The following GABRG3 variants were observed in gnomAD, a reference collection of about 807,000 sequenced individuals.
GABRG3 encodes gamma-aminobutyric acid type A receptor subunit gamma3.
A neutral mutation model predicts 48.8 loss-of-function variants in GABRG3; 25 were observed. That is an observed-to-expected ratio of 0.51 (90% CI 0.37 to 0.72). The LOEUF is 0.72. GABRG3 is among the 30% of genes least tolerant of loss of function. GABRG3 has a pLI of 0.00. For missense variants in GABRG3, 394 were observed against 577.9 expected (o/e 0.68, Z 3.26); for synonymous variants, 227 against 217.6 (o/e 1.04, Z -0.38).
At position 27,187,218 on chromosome 15, in the gene GABRG3, G is replaced by A. The variant is rs545859365; in HGVS notation, c.271-139591G>A. On this transcript the variant is annotated intron_variant, in intron 3 of 9. Transcript: ENST00000615808. Reference sequence around the variant, plus strand: ...ATTGCTTTTTATTGTTGGCTTTGTCGAAGATTAAATGGTTGTAGGTGAGGA... The same window carrying A: ...ATTGCTTTTTATTGTTGGCTTTGTCAAAGATTAAATGGTTGTAGGTGAGGA... 1.2e-4 allele frequency among the ~76,000 whole-genome samples: 18 copies of A among 152,152 alleles called. 1 individual carries two copies. Among genetic ancestry groups the A allele is most frequent in the African/African-American group, 3.4e-4 (14 of 41,528 alleles).
intron 5 of GABRG3, among the ~76,000 whole-genome samples, chr15:27,361,550 C>A (rs1348465723): frequency 6.6e-6 from 1 of 152,188 alleles, no homozygotes; most frequent in Non-Finnish European, 1.5e-5. Flanking sequence ...AGTAAGATGG[C>A]ATGCCTTTCA....
chr15:27,128,470 CA>C (rs1330840658), intron 3 of GABRG3, among the ~76,000 whole-genome samples: 1 of 152,178 alleles, frequency 6.6e-6, no homozygotes, highest in African/African-American at 2.4e-5. Context: ...GTCATCTGCC[CA>C]CGCCTTGAAG....
At chr15:27,003,839 GC>G in intron 2 of GABRG3, among the ~76,000 whole-genome samples, 1 of 143,708 alleles carries the variant, frequency 7.0e-6, no homozygotes, top group Admixed American at 6.9e-5. Context: ...GGGGTGGCTG[GC>G]CGGGCGGGGG....
chr15:27,361,127 A>G (rs1895009812), intron 5 of GABRG3, among the ~76,000 whole-genome samples: 1 of 152,214 alleles, frequency 6.6e-6, no homozygotes, highest in Admixed American at 6.5e-5. Flanking sequence ...TGTGGCGTTT[A>G]GCTTTCCTGG....
At chr15:27,421,003 G>T (rs956216894) in intron 5 of GABRG3, among the ~76,000 whole-genome samples, 1 of 151,892 alleles carries the variant, frequency 6.6e-6, no homozygotes, top group African/African-American at 2.4e-5. Context: ...AAACAAAAAA[G>T]AAACTCTTAA....
intron 3 of GABRG3, among the ~76,000 whole-genome samples, chr15:27,040,389 G>A (rs1896255482): frequency 6.6e-6 from 1 of 152,234 alleles, no homozygotes; most frequent in Admixed American, 6.5e-5. Flanking sequence ...AAGTCACTGG[G>A]TGTGTCCAGA....
In GABRG3 at chr15:27,319,654, GT is replaced by G. The variant is rs1555371493; in HGVS notation, c.271-7154del. ...AGGCTGGATAAGAGGGTGTCCAGGC[GT>G]GGGCAGAGCACAAATGGGATGGGGA... On this transcript the variant is annotated intron_variant, in intron 3 of 9. Transcript: ENST00000615808. This position sits in a 1 kb window ranked among gnomAD's most constrained non-coding sequence, Gnocchi z 4.4. Among the ~76,000 whole-genome samples the G allele has an allele frequency of 6.6e-6, 1 of 152,102 alleles. No homozygotes were observed. Among genetic ancestry groups the G allele is most frequent in the Non-Finnish European group, 1.5e-5 (1 of 68,016 alleles).
intron 6 of GABRG3, among the ~76,000 whole-genome samples, chr15:27,497,853 T>C (rs1890524699): frequency 6.6e-6 from 1 of 152,188 alleles, no homozygotes; most frequent in African/African-American, 2.4e-5. Context: ...CCATGATTTC[T>C]TCCAGGTCCA....
chr15:27,481,522 G>T (rs1890100943), intron 6 of GABRG3, among the ~76,000 whole-genome samples: 1 of 152,130 alleles, frequency 6.6e-6, no homozygotes, highest in Admixed American at 6.6e-5. Flanking sequence ...AGAATTTGTT[G>T]GGTCTTCAAA....
chr15:26,983,819 G>A (rs754133987), intron 2 of GABRG3, among the ~76,000 whole-genome samples: 2 of 152,080 alleles, frequency 1.3e-5, no homozygotes, highest in Non-Finnish European at 2.9e-5. Flanking sequence ...CAAACCTCAA[G>A]CCTCAAACTA....
intron 3 of GABRG3, among the ~76,000 whole-genome samples, chr15:27,241,198 A>G (rs991495724): frequency 4.6e-5 from 7 of 152,308 alleles, no homozygotes; most frequent in Admixed American, 4.6e-4. Context: ...ATTTTCACAT[A>G]CTATATGGTA....
At chr15:27,334,253 A>AT (rs1046491859) in intron 5 of GABRG3, among the ~76,000 whole-genome samples, 1 of 152,118 alleles carries the variant, frequency 6.6e-6, no homozygotes, top group Non-Finnish European at 1.5e-5. Flanking sequence ...CTATGCCATT[A>AT]TTTTTTCTAA....
At chr15:27,320,796 AAT>A (rs1893397431) in intron 3 of GABRG3, among the ~76,000 whole-genome samples, 2 of 152,318 alleles carry the variant, frequency 1.3e-5, no homozygotes, top group African/African-American at 4.8e-5. Flanking sequence ...GCAGTTTTAA[AAT>A]ATGACATTTT....
At chr15:27,106,014 T>C (rs184175652) in intron 3 of GABRG3, among the ~76,000 whole-genome samples, 1 of 152,206 alleles carries the variant, frequency 6.6e-6, no homozygotes, top group African/African-American at 2.4e-5. Context: ...CTAAGTGAAA[T>C]AAGCCAGATA....
At chr15:27,481,973 G>C (rs549747346) in intron 6 of GABRG3, among the ~76,000 whole-genome samples, 1 of 152,284 alleles carries the variant, frequency 6.6e-6, no homozygotes, top group African/African-American at 2.4e-5. Context: ...AGGGAGGACT[G>C]CTCTAGCATT....
At chr15:27,503,263 A>G (rs935582034) in intron 6 of GABRG3, among the ~76,000 whole-genome samples, 1 of 152,166 alleles carries the variant, frequency 6.6e-6, no homozygotes, top group Admixed American at 6.5e-5. Flanking sequence ...AGCCAAATAT[A>G]TATTTCACAA....
intron 3 of GABRG3, among the ~76,000 whole-genome samples, chr15:27,052,064 C>A (rs990678047): frequency 1.3e-5 from 2 of 152,194 alleles, no homozygotes; most frequent in African/African-American, 2.4e-5. Flanking sequence ...CTTGCTCGCC[C>A]GCCTCTCACC....
intron 5 of GABRG3, among the ~76,000 whole-genome samples, chr15:27,398,816 G>A (rs1018720560): frequency 5.9e-5 from 9 of 152,174 alleles, no homozygotes; most frequent in African/African-American, 2.2e-4. Flanking sequence ...GAACGCAGTA[G>A]TCCTTGAACT....
At chr15:27,213,641 A>T (rs1000663999) in intron 3 of GABRG3, among the ~76,000 whole-genome samples, 13 of 152,204 alleles carry the variant, frequency 8.5e-5, no homozygotes, top group African/African-American at 2.7e-4. Context: ...GGCCTTGTGC[A>T]GGGGCTCATC....
Sources: gnomAD v4.1 joint callset for allele counts (sites outside exome capture counted in the v4.1 genomes callset) on GRCh38, gnomAD v4.1.1 for gene constraint, Gnocchi (gnomAD v3.1) non-coding constraint, MANE v1.5 for transcripts, NCBI Gene and HGNC (gene_info 2026-07-23, HGNC 2026-07-21) for gene names.